Variants in SGK3 observed in about 807,000 individuals in gnomAD.
SGK3 encodes the protein serum/glucocorticoid regulated kinase family member 3.
SGK3 carries 47 observed loss-of-function variants against 68.5 expected under a neutral mutation model. The observed-to-expected ratio is 0.69, with a 90% CI of 0.54 to 0.87. SGK3 has a LOEUF of 0.87. SGK3 is among the 40% of genes least tolerant of loss of function. The pLI, the probability that SGK3 is intolerant of heterozygous loss-of-function variation, is 0.00. For synonymous variants in SGK3, 181 were observed against 189.1 expected (o/e 0.96, Z 0.35); for missense variants, 479 against 575.5 (o/e 0.83, Z 1.72).
intron 16 of SGK3, among the ~76,000 whole-genome samples, chr8:66,853,670 C>A (rs1286493179): frequency 6.6e-6 from 1 of 152,148 alleles, no homozygotes; most frequent in Admixed American, 6.6e-5. Context: ...GTTTATTTCT[C>A]TGTTTACAAT....
chr8:66,797,466 G>A (rs1463653455), intron 2 of SGK3, among the ~76,000 whole-genome samples: 2 of 152,044 alleles, frequency 1.3e-5, no homozygotes, highest in Non-Finnish European at 2.9e-5. Flanking sequence ...ATTCCTTCTC[G>A]GTTAAGACCA....
At chr8:66,856,997 G>A (rs991605736) in intron 16 of SGK3, among the ~76,000 whole-genome samples, 1 of 151,994 alleles carries the variant, frequency 6.6e-6, no homozygotes, top group Non-Finnish European at 1.5e-5. Context: ...GAAGTCTGAG[G>A]CACAAGAATT....
intron 10 of SGK3, among the ~76,000 whole-genome samples, chr8:66,839,605 C>A: frequency 7.6e-6 from 1 of 132,186 alleles, no homozygotes; most frequent in African/African-American, 2.9e-5. Flanking sequence ...TTTTTAATCT[C>A]TGAATAGTGT....
At chr8:66,804,233 G>A (rs1808064313) in intron 3 of SGK3, 142 bp from the exon 4 acceptor site, 4 of 674,036 alleles carry the variant, frequency 5.9e-6, no homozygotes, top group Non-Finnish European at 9.3e-6. Context: ...TATAATTTAT[G>A]TTATACTTTG....
Position 66,826,650 on chromosome 8 carries a change from A to G in SGK3, c.418-2004A>G, listed in dbSNP as rs188366315. On this transcript the variant is annotated intron_variant, in intron 6 of 16. Transcript: ENST00000521198. ...ATGAGAAACTTCTTTATTTTATTTT[A>G]TTTTATTTTATTTTGAGACAGTCTC... Among the ~76,000 whole-genome samples the G allele has an allele frequency of 5.3e-3, 809 of 152,080 alleles. 3 individuals are homozygous for G. Among genetic ancestry groups the G allele is most frequent in the Non-Finnish European group, 9.2e-3 (627 of 67,974 alleles).
chr8:66,843,804 TGCAACGTG>T (rs766575945), intron 14 of SGK3, among the ~76,000 whole-genome samples: 18 of 152,174 alleles, frequency 1.2e-4, no homozygotes, highest in Admixed American at 4.6e-4. Flanking sequence ...GACCAGCCTA[TGCAACGTG>T]GCGAAATCCC....
At chr8:66,833,463 G>A (rs1809383761) in intron 8 of SGK3, among the ~76,000 whole-genome samples, 2 of 152,088 alleles carry the variant, frequency 1.3e-5, no homozygotes, top group Admixed American at 1.3e-4. Context: ...TCTTCTTCAA[G>A]AGACTATTCT....
chr8:66,732,241 A>C (rs1235191193), intron 1 of SGK3, among the ~76,000 whole-genome samples: 1 of 152,252 alleles, frequency 6.6e-6, no homozygotes, highest in East Asian at 1.9e-4. Flanking sequence ...ATGTTTCAAC[A>C]TATAAACACC....
At chr8:66,752,417 A>G (rs2130435356) in intron 1 of SGK3, among the ~76,000 whole-genome samples, 1 of 152,300 alleles carries the variant, frequency 6.6e-6, no homozygotes, top group Admixed American at 6.5e-5. Context: ...TGTAAAGGAA[A>G]TAAACATGCA....
chr8:66,761,888 G>A (rs1021450972), intron 1 of SGK3, among the ~76,000 whole-genome samples: 19 of 152,060 alleles, frequency 1.2e-4, no homozygotes, highest in South Asian at 2.1e-4. Context: ...CTACTGCCCC[G>A]TTTCAACAGT....
At chr8:66,793,031 C>T (rs1016884943) in intron 1 of SGK3, among the ~76,000 whole-genome samples, 1 of 152,184 alleles carries the variant, frequency 6.6e-6, no homozygotes, top group Non-Finnish European at 1.5e-5. Flanking sequence ...ATGATATTAA[C>T]ATACTACATT....
intron 1 of SGK3, chr8:66,737,477 A>G (rs1337855038): frequency 6.6e-6 from 1 of 152,182 alleles, no homozygotes; most frequent in Admixed American, 6.5e-5. Flanking sequence ...AACCTCAGGT[A>G]TCTGACTTTA....
rs375079742 is a variant in SGK3, at chr8:66,840,186, C to T, written c.855-25C>T. 35 of 1,594,430 alleles carry T rather than the reference C, an allele frequency of 2.2e-5. No individual in the cohort carries two copies. In the African/African-American group the frequency reaches 3.5e-4, roughly 16 times the overall value. ...TTATTTCGGTTTGTATTCAGTTTTG[C>T]GTTTCTTTCCTTTTAATTTGATAGA... On this transcript the variant is annotated intron_variant, in intron 11 of 16. Coordinates refer to ENST00000521198, the MANE Select transcript of SGK3 (RefSeq NM_001033578.3).
chr8:66,841,318 A>C (rs1809788716), intron 13 of SGK3, among the ~76,000 whole-genome samples: 1 of 152,228 alleles, frequency 6.6e-6, no homozygotes, highest in Non-Finnish European at 1.5e-5. Context: ...CTTTTGAATA[A>C]TCCAACAAAT....
At chr8:66,759,080 C>CTTT (rs752312636) in intron 1 of SGK3, among the ~76,000 whole-genome samples, 5,949 of 140,308 alleles carry the variant, frequency 0.042, 208 homozygotes, top group African/African-American at 0.072. Context: ...TTCTTTTCTT[C>CTTT]TTTTTTTTTT....
In SGK3 at chr8:66,760,595, A is replaced by G. The variant is rs913043530; in HGVS notation, c.-121-33021A>G. On this transcript the variant is annotated intron_variant, in intron 1 of 16. Transcript: ENST00000521198. ...ATGATCCGTCCGCCTCGGCCTCCCAAAGTGCTGGGATTACAGGCGTGAGTC... is the reference window on the plus strand; with the variant it reads ...ATGATCCGTCCGCCTCGGCCTCCCAGAGTGCTGGGATTACAGGCGTGAGTC... 4.3e-4 allele frequency among the ~76,000 whole-genome samples: 65 copies of G among 151,838 alleles called. 3 individuals are homozygous for G.
chr8:66,839,500 TATATATATA>T, intron 10 of SGK3, among the ~76,000 whole-genome samples: 1 of 3,596 alleles, frequency 2.8e-4, no homozygotes, highest in Non-Finnish European at 7.8e-4. Flanking sequence ...TGTATGGAGA[TATATATATA>T]TATATATATA....
At chr8:66,752,885 G>A (rs1805864272) in intron 1 of SGK3, among the ~76,000 whole-genome samples, 1 of 152,100 alleles carries the variant, frequency 6.6e-6, no homozygotes, top group South Asian at 2.1e-4. Context: ...GTCTCACTCT[G>A]TTGTCCAGAC....
At chr8:66,833,794 C>T (rs892092498) in intron 8 of SGK3, among the ~76,000 whole-genome samples, 1 of 152,200 alleles carries the variant, frequency 6.6e-6, no homozygotes, top group Non-Finnish European at 1.5e-5. Context: ...TGGGTTCAAG[C>T]GATTCTACTG....
Sources: gnomAD v4.1 joint callset for allele counts (sites outside exome capture counted in the v4.1 genomes callset) on GRCh38, gnomAD v4.1.1 for gene constraint, MANE v1.5 for transcripts, NCBI Gene and HGNC (gene_info 2026-07-23, HGNC 2026-07-21) for gene names.